Variants in PPP4R4 observed in about 807,000 individuals in gnomAD.
PPP4R4 encodes the protein serine/threonine-protein phosphatase 4 regulatory subunit 4.
PPP4R4 carries 70 observed loss-of-function variants against 121.8 expected under a neutral mutation model. The ratio of observed to expected loss-of-function variants is 0.57; its 90% CI spans 0.47 to 0.70. PPP4R4 has a LOEUF of 0.70. Ranked by LOEUF, PPP4R4 falls within the 30% of genes least tolerant of loss-of-function variation. PPP4R4 has a pLI of 0.00. For missense variants in PPP4R4, 875 were observed against 1,033.6 expected (o/e 0.85, Z 2.10); for synonymous variants, 348 against 355.7 (o/e 0.98, Z 0.24).
At chr14:94,264,059 T>C (rs958720122) in intron 19 of PPP4R4, among the ~76,000 whole-genome samples, 2 of 152,200 alleles carry the variant, frequency 1.3e-5, no homozygotes, top group Non-Finnish European at 2.9e-5. Context: ...TTCATGATAT[T>C]GGAGCTGGTT....
intron 2 of PPP4R4, among the ~76,000 whole-genome samples, chr14:94,206,250 G>T: frequency 6.6e-6 from 1 of 151,612 alleles, no homozygotes; most frequent in Non-Finnish European, 1.5e-5. Flanking sequence ...TCTTCTCTGA[G>T]ATTTACTTTA....
intron 3 of PPP4R4, chr14:94,227,432 C>A (rs1891779461): frequency 6.4e-7 from 1 of 1,571,716 alleles, no homozygotes; most frequent in Non-Finnish European, 8.6e-7. Context: ...TTTAGAAAAT[C>A]AGTTGATTTT....
rs1893652307 is a variant in PPP4R4, at chr14:94,259,394, CAT to C, written c.2127+29_2127+30del. 4 of 1,555,666 alleles carry C rather than the reference CAT, an allele frequency of 2.6e-6. No homozygotes were observed. In the East Asian group the frequency reaches 9.2e-5, roughly 36 times the overall value. On this transcript the variant is annotated intron_variant, in intron 19 of 24. Coordinates refer to ENST00000304338, the MANE Select transcript of PPP4R4 (RefSeq NM_058237.2). ...GGTATGTTGTTTTCACATGCACACA[CAT>C]ATACTCTTTTCTGATTAATAACTGT... is the stretch of plus-strand genomic sequence containing the variant.
At chr14:94,241,990 T>G in intron 10 of PPP4R4, 33 bp downstream of exon 10, 12 of 1,535,056 alleles carry the variant, frequency 7.8e-6, no homozygotes, top group Non-Finnish European at 1.1e-5. Context: ...TACTGAGGAT[T>G]TTTATTATAA....
chr14:94,225,721 G>A lies in PPP4R4; in HGVS notation c.295-4866G>A, dbSNP rs954920606. ...GATCCTTATCTTTGACTTCTTTCCA[G>A]TTTCCCAGAATACGTAGTATGATGC... On this transcript the variant is annotated intron_variant, in intron 3 of 24. Transcript: ENST00000304338. 2.0e-5 allele frequency among the ~76,000 whole-genome samples: 3 copies of A among 152,088 alleles called. No individual in the cohort carries two copies. In the East Asian group the frequency reaches 5.8e-4, roughly 29 times the overall value.
Position 94,251,814 on chromosome 14 carries a change from G to C in PPP4R4, c.1783G>C (p.Glu595Gln), listed in dbSNP as rs1021017619. Residue 595 changes from glutamate to glutamine, a missense_variant, in exon 16 of 25, where the codon GAG becomes CAG. Glu to Gln is a conservative substitution (Grantham distance 29). Coordinates refer to ENST00000304338, the MANE Select transcript of PPP4R4 (RefSeq NM_058237.2). ...TTTGGATACCTGTGAATTTATTATA[G>C]AGATATTTTCAAAATCATTTTTCTG... ...RFLDTCEFII[E>Q]IFSKSFFCKY... 1.4e-5 allele frequency: 23 copies of C among 1,597,214 alleles called. No individual in the cohort carries two copies. The Admixed American group carries it at 3.1e-4, about 21-fold the overall frequency.
chr14:94,258,209 G>A (rs1041625113), intron 17 of PPP4R4, among the ~76,000 whole-genome samples: 1 of 152,158 alleles, frequency 6.6e-6, no homozygotes, highest in Non-Finnish European at 1.5e-5. Context: ...GGTTACTCTT[G>A]TAGAATAAGT....
chr14:94,227,752 G>A (rs1012641305), intron 3 of PPP4R4: 9 of 1,000,364 alleles, frequency 9.0e-6, no homozygotes, highest in Non-Finnish European at 1.1e-5. Flanking sequence ...ACAGACTCAT[G>A]TGAACTGGAA....
intron 7 of PPP4R4, among the ~76,000 whole-genome samples, chr14:94,235,151 A>G (rs1337387031): frequency 6.6e-6 from 1 of 152,200 alleles, no homozygotes; most frequent in Non-Finnish European, 1.5e-5. Flanking sequence ...ACCTAATACA[A>G]TATAAATGCT....
At chr14:94,193,353 G>A (rs753375638) in intron 2 of PPP4R4, among the ~76,000 whole-genome samples, 3 of 152,020 alleles carry the variant, frequency 2.0e-5, no homozygotes, top group Non-Finnish European at 4.4e-5. Context: ...AGTAGTACAG[G>A]CTGCATAACT....
At chr14:94,175,191 G>A (rs1239467034) in intron 1 of PPP4R4, among the ~76,000 whole-genome samples, 1 of 150,292 alleles carries the variant, frequency 6.7e-6, no homozygotes, top group Non-Finnish European at 1.5e-5. Context: ...TCAAGCTCGG[G>A]TCCTTCTGCC....
In PPP4R4 at chr14:94,264,641, A is replaced by G. The variant is rs3748325; in HGVS notation, c.2128-237A>G. 1.8e-3 allele frequency among the ~76,000 whole-genome samples: 275 copies of G among 152,346 alleles called. 3 individuals carry two copies. In the South Asian group the frequency reaches 0.029, roughly 16 times the overall value. On this transcript the variant is annotated intron_variant, in intron 19 of 24. Coordinates refer to ENST00000304338, the MANE Select transcript of PPP4R4 (RefSeq NM_058237.2). ...TAGAAAATGAAGGGTAATTATTACA[A>G]TGATACCAAACTCATTGTTTTAGCT...
At position 94,177,563 on chromosome 14, in the gene PPP4R4, T is replaced by C. The variant is rs376047355; in HGVS notation, c.191+1436T>C. On this transcript the variant is annotated intron_variant, in intron 2 of 24. Coordinates refer to ENST00000304338, the MANE Select transcript of PPP4R4 (RefSeq NM_058237.2). ...ACAAATGTGTTTTAATCTACAACAG[T>C]TAATGATTTGAAATAAACTCCTGTT... Among the ~76,000 whole-genome samples the C allele has an allele frequency of 1.5e-4, 23 of 152,206 alleles. No homozygotes were observed. In the East Asian group the frequency reaches 1.7e-3, roughly 11 times the overall value.
At chr14:94,236,180 T>C (rs1377519440) in intron 7 of PPP4R4, among the ~76,000 whole-genome samples, 1 of 152,194 alleles carries the variant, frequency 6.6e-6, no homozygotes, top group East Asian at 1.9e-4. Flanking sequence ...GAGTTATCTG[T>C]TATGATTATT....
At chr14:94,195,620 G>T (rs925569892) in intron 2 of PPP4R4, among the ~76,000 whole-genome samples, 9 of 151,958 alleles carry the variant, frequency 5.9e-5, no homozygotes, top group African/African-American at 2.2e-4. Context: ...AGGATGTTTA[G>T]TGTCATCTCT....
At chr14:94,243,137 G>A (rs1243585721) in intron 11 of PPP4R4, among the ~76,000 whole-genome samples, 1 of 152,026 alleles carries the variant, frequency 6.6e-6, no homozygotes, top group Non-Finnish European at 1.5e-5. Flanking sequence ...CAAGTGTGCA[G>A]GATATCCATC....
At chr14:94,245,211 TGTTA>T (rs1347971664) in intron 12 of PPP4R4, among the ~76,000 whole-genome samples, 2 of 152,218 alleles carry the variant, frequency 1.3e-5, no homozygotes, top group Non-Finnish European at 2.9e-5. Flanking sequence ...CCTAAATGAC[TGTTA>T]GTTTGCCAAA....
chr14:94,259,452 C>A, intron 19 of PPP4R4, 83 bp downstream of exon 19: 2 of 1,361,258 alleles, frequency 1.5e-6, no homozygotes, highest in South Asian at 2.0e-5. Context: ...CATTTCTTTC[C>A]ATTTCACCAT....
At chr14:94,271,634 C>T (rs960473404) in intron 23 of PPP4R4, among the ~76,000 whole-genome samples, 3 of 152,066 alleles carry the variant, frequency 2.0e-5, no homozygotes, top group African/African-American at 4.8e-5. Flanking sequence ...TCCTTTTTAC[C>T]ATCATACTGG....
Sources: allele counts gnomAD v4.1 joint callset (sites outside exome capture counted in the v4.1 genomes callset), GRCh38; gene constraint gnomAD v4.1.1; transcripts MANE v1.5; gene names NCBI Gene and HGNC (gene_info 2026-07-23, HGNC 2026-07-21).